MYH14: variants seen among roughly 807,000 people sequenced by gnomAD.
The protein encoded by MYH14 is myosin heavy chain 14, also known as myosin-14.
A neutral mutation model predicts 255.5 loss-of-function variants in MYH14; 123 were observed. The observed-to-expected ratio is 0.48, with a 90% confidence interval of 0.42 to 0.56. The LOEUF (loss-of-function observed/expected upper bound fraction) is 0.56. Ranked by LOEUF, MYH14 falls within the 20% of genes least tolerant of loss-of-function variation. MYH14 has a pLI of 0.00. For missense variants in MYH14, 2,423 were observed against 2,802.3 expected, an observed-to-expected ratio of 0.86 and a Z score of 3.06; for synonymous variants, 1,095 against 1,161.2, an observed-to-expected ratio of 0.94 and a Z score of 1.16.
chr19:50,268,526 G>A (rs183982076), intron 24 of MYH14, among the ~76,000 whole-genome samples, 159 bp downstream of exon 24: 3 of 152,352 alleles, frequency 2.0e-5, no homozygotes, highest in Admixed American at 6.5e-5. Context: ...TTCAGATCGC[G>A]GGAGACCTTA....
chr19:50,271,576 G>T, intron 25 of MYH14, 30 bp downstream of exon 25: 1 of 1,594,654 alleles, frequency 6.3e-7, no homozygotes, highest in South Asian at 1.1e-5. Flanking sequence ...CTGGGAAAGT[G>T]GGGATGGGGT....
At chr19:50,228,330 A>T (rs1297895223) in intron 8 of MYH14, among the ~76,000 whole-genome samples, 1 of 152,100 alleles carries the variant, frequency 6.6e-6, no homozygotes, top group Non-Finnish European at 1.5e-5. Context: ...TATCAATGCT[A>T]ATATTATTGA....
chr19:50,303,192 C>G (rs1463567744), intron 40 of MYH14, among the ~76,000 whole-genome samples: 2 of 152,088 alleles, frequency 1.3e-5, no homozygotes, highest in Non-Finnish European at 2.9e-5. Context: ...TCATCATCCG[C>G]TCAGTTGAGG....
At chr19:50,232,340 C>T (rs2033441068) in intron 10 of MYH14, among the ~76,000 whole-genome samples, 1 of 152,134 alleles carries the variant, frequency 6.6e-6, no homozygotes, top group South Asian at 2.1e-4. Flanking sequence ...GCCTGTAATC[C>T]CAGCACTTTG....
intron 32 of MYH14, among the ~76,000 whole-genome samples, chr19:50,281,237 G>A (rs528542690): frequency 9.9e-5 from 15 of 152,284 alleles, no homozygotes; most frequent in African/African-American, 3.4e-4. Flanking sequence ...TCTCCTGAAT[G>A]TTCTAAACAG....
Position 50,280,072 on chromosome 19 carries a change from G to C in MYH14, c.4068G>C (p.Glu1356Asp). ...ELENVSGALN[E>D]AESKTIRLSK... Reference sequence around the variant, plus strand: ...AGAATGTGTCTGGGGCGCTGAACGAGGCTGAGTCCAAAACCATCCGTCTTA... The same window carrying C: ...AGAATGTGTCTGGGGCGCTGAACGACGCTGAGTCCAAAACCATCCGTCTTA... Residue 1356 changes from glutamate (E) to aspartate (D), a missense_variant, in exon 31 of 43, where the codon GAG (glutamate) becomes GAC (aspartate). Transcript: ENST00000642316. This position sits in a 1 kb window ranked among gnomAD's most constrained non-coding sequence, Gnocchi z 4.8. The C allele has an allele frequency of 6.2e-7, 1 of 1,610,848 alleles. No homozygotes were observed. Among genetic ancestry groups the C allele is most frequent in the Non-Finnish European group, 8.5e-7 (1 of 1,178,636 alleles).
chr19:50,273,497 T>C (rs945248923), intron 27 of MYH14, among the ~76,000 whole-genome samples: 6 of 152,120 alleles, frequency 3.9e-5, no homozygotes, highest in African/African-American at 1.4e-4. Flanking sequence ...TTTTATGCAC[T>C]GTGCTTCATG....
At chr19:50,223,180 C>A in intron 4 of MYH14, 67 bp from the exon 5 acceptor site, 2 of 1,604,334 alleles carry the variant, frequency 1.2e-6, no homozygotes, top group Non-Finnish European at 1.7e-6. Flanking sequence ...TTGGAATGGG[C>A]AGGGCAGGTG....
At chr19:50,260,814 TGTGTGCAAGTGTGTGTGCATGCAC>T in intron 20 of MYH14, 99 bp downstream of exon 20, 1 of 797,554 alleles carries the variant, frequency 1.3e-6, no homozygotes, top group Admixed American at 2.5e-5. Flanking sequence ...TGCATGCGTG[TGTGTGCAAGTGTGTGTGCATGCAC>T]GTGTGTGCGT....
chr19:50,232,306 G>A (rs1600899251), intron 10 of MYH14, among the ~76,000 whole-genome samples: 1 of 152,262 alleles, frequency 6.6e-6, no homozygotes, highest in East Asian at 1.9e-4. Flanking sequence ...TAGACTATGA[G>A]TGCAGCTGGG....
intron 27 of MYH14, 131 bp from the exon 28 acceptor site, chr19:50,275,860 A>G: frequency 1.5e-6 from 1 of 677,888 alleles, no homozygotes; most frequent in Non-Finnish European, 2.5e-6. Flanking sequence ...CCAAGTGCCC[A>G]GTGGCAGAGA....
At chr19:50,297,503 T>C (rs2036313837) in intron 39 of MYH14, among the ~76,000 whole-genome samples, 1 of 135,498 alleles carries the variant, frequency 7.4e-6, no homozygotes, top group Non-Finnish European at 1.6e-5. Flanking sequence ...TTTTTTTTTT[T>C]TTTTTTTTTT....
At chr19:50,264,107 A>AT (rs1568515459) in intron 22 of MYH14, among the ~76,000 whole-genome samples, 1 of 148,238 alleles carries the variant, frequency 6.7e-6, no homozygotes, top group Non-Finnish European at 1.5e-5. Context: ...AAAAAAGTAC[A>AT]TAAGTGTCTC....
intron 24 of MYH14, among the ~76,000 whole-genome samples, chr19:50,270,702 A>AT (rs11366653): frequency 2.7e-5 from 4 of 146,932 alleles, no homozygotes; most frequent in Non-Finnish European, 4.5e-5. Flanking sequence ...TTATTTATTT[A>AT]TTTTTTTTTT....
At chr19:50,300,048 G>A (rs1340673075) in intron 39 of MYH14, among the ~76,000 whole-genome samples, 1 of 152,166 alleles carries the variant, frequency 6.6e-6, no homozygotes, top group Non-Finnish European at 1.5e-5. Flanking sequence ...GCATCTGTGT[G>A]TAATAAAACT....
intron 1 of MYH14, among the ~76,000 whole-genome samples, chr19:50,209,870 G>T (rs2032063811): frequency 6.6e-6 from 1 of 151,432 alleles, no homozygotes; most frequent in South Asian, 2.1e-4. Flanking sequence ...GGCCGAGGCA[G>T]GCAGATCACC....
At chr19:50,229,485 T>A (rs7251662) in intron 8 of MYH14, among the ~76,000 whole-genome samples, 1 of 151,758 alleles carries the variant, frequency 6.6e-6, no homozygotes, top group Admixed American at 6.6e-5. Flanking sequence ...ATAAAGAAAA[T>A]TTAAAAATTA....
intron 12 of MYH14, 44 bp downstream of exon 12, chr19:50,247,166 C>A: frequency 1.5e-6 from 2 of 1,360,554 alleles, no homozygotes; most frequent in Non-Finnish European, 2.1e-6. Flanking sequence ...GAGCCGCGCA[C>A]CCCGGCCCTG....
At chr19:50,249,286 C>G in intron 13 of MYH14, 147 bp downstream of exon 13, 1 of 985,588 alleles carries the variant, frequency 1.0e-6, no homozygotes, top group East Asian at 2.7e-5. Flanking sequence ...GGTCTCTGTC[C>G]CCCTCTCTCT....
Sources: gnomAD v4.1 joint callset for allele counts (sites outside exome capture counted in the v4.1 genomes callset) on GRCh38, gnomAD v4.1.1 for gene constraint, Gnocchi (gnomAD v3.1) non-coding constraint, MANE v1.5 for transcripts, NCBI Gene and HGNC (gene_info 2026-07-23, HGNC 2026-07-21) for gene names.